Variants in SYT7 observed in about 807,000 individuals in gnomAD.
SYT7 encodes the protein synaptotagmin-7.
SYT7 carries 29 observed loss-of-function variants against 75.1 expected under a neutral mutation model. The ratio of observed to expected loss-of-function variants is 0.39; its 90% confidence interval spans 0.29 to 0.53. The LOEUF is 0.53. SYT7 is among the 20% of genes least tolerant of loss of function. The pLI, the probability that SYT7 is intolerant of heterozygous loss-of-function variation, is 0.77. For missense variants in SYT7, 693 were observed against 953.2 expected (o/e 0.73, Z 3.59); for synonymous variants, 376 against 401.7 (o/e 0.94, Z 0.76).
Position 61,527,902 on chromosome 11 carries a change from G to A in SYT7, c.1471+13C>T, listed in dbSNP as rs773128337. 20 of 1,612,528 alleles carry A rather than the reference G, an allele frequency of 1.2e-5. No individual in the cohort carries two copies. Among genetic ancestry groups the A allele is most frequent in the East Asian group, 2.2e-5 (1 of 44,860 alleles). The stretch of plus-strand genomic sequence containing the variant: ...GAGGTGACCATGGCGGGGGAAGGTG[G>A]CACTAGACTCACCTTCAAAGAGGAA... On this transcript the variant is annotated intron_variant, in intron 9 of 12. Transcript: ENST00000539008.
intron 3 of SYT7, among the ~76,000 whole-genome samples, chr11:61,548,610 G>C (rs1245449005): frequency 1.3e-5 from 2 of 152,186 alleles, no homozygotes; most frequent in African/African-American, 4.8e-5. Flanking sequence ...GGAAGACTGA[G>C]GCTGTGCCGC....
Position 61,514,788 on chromosome 11 carries a change from T to C in SYT7, c.*3839A>G, listed in dbSNP as rs1313871464. Among the ~76,000 whole-genome samples the C allele has an allele frequency of 6.6e-6, 1 of 152,148 alleles. No homozygotes were observed. The highest frequency in any genetic ancestry group is 1.5e-5 in the Non-Finnish European group (1 of 68,032). The stretch of plus-strand genomic sequence containing the variant: ...CTTTTCTAATCCTAAAGAATGAAAC[T>C]AGAAGAGGGCTGAGAGAAGCCGCAG... On this transcript the variant is annotated 3_prime_UTR_variant, in exon 13 of 13. Transcript: ENST00000539008.
At chr11:61,535,374 C>T (rs898229672) in intron 7 of SYT7, among the ~76,000 whole-genome samples, 3 of 152,224 alleles carry the variant, frequency 2.0e-5, no homozygotes, top group Admixed American at 6.5e-5. Flanking sequence ...GCCTGGTCCC[C>T]GCCTTGCCCT....
chr11:61,582,770 C>T (rs75088031), upstream of SYT7, among the ~76,000 whole-genome samples: 4,485 of 152,230 alleles, frequency 0.029, 254 homozygotes, highest in African/African-American at 0.1. Flanking sequence ...CAGCTGTCTT[C>T]CCCCCACTCA....
chr11:61,582,851 A>T (rs570504972), upstream of SYT7, among the ~76,000 whole-genome samples: 4 of 152,146 alleles, frequency 2.6e-5, no homozygotes, highest in Non-Finnish European at 5.9e-5. Context: ...CAGAAAGCTA[A>T]GCCAACAGGC....
intron 1 of SYT7, among the ~76,000 whole-genome samples, chr11:61,574,802 C>A (rs961231941): frequency 6.6e-6 from 1 of 152,072 alleles, no homozygotes; most frequent in Non-Finnish European, 1.5e-5. Context: ...CGCTCTCTGG[C>A]CTCGCTGACA....
intron 12 of SYT7, among the ~76,000 whole-genome samples, chr11:61,521,776 G>T (rs1328087001): frequency 1.3e-5 from 2 of 152,218 alleles, no homozygotes; most frequent in Non-Finnish European, 1.5e-5. Context: ...CTCCATGACT[G>T]CCCTGAGCAC....
At chr11:61,541,601 G>A (rs948576855) in intron 6 of SYT7, among the ~76,000 whole-genome samples, 7 of 152,108 alleles carry the variant, frequency 4.6e-5, no homozygotes, top group Admixed American at 1.3e-4. Flanking sequence ...CAGGGGATGG[G>A]TCATTACTGG....
At chr11:61,566,730 T>G (rs1399477714) in intron 1 of SYT7, among the ~76,000 whole-genome samples, 2 of 152,204 alleles carry the variant, frequency 1.3e-5, no homozygotes, top group African/African-American at 2.4e-5. Context: ...CACTAGTTAC[T>G]CCTATGAATA....
At chr11:61,584,433 A>C (rs2135493515), upstream of SYT7, among the ~76,000 whole-genome samples, 2 of 152,000 alleles carry the variant, frequency 1.3e-5, no homozygotes, top group South Asian at 4.1e-4. Flanking sequence ...CTTGGAACAT[A>C]TAATTTATTC....
chr11:61,540,926 G>C, intron 6 of SYT7: 1 of 985,490 alleles, frequency 1.0e-6, no homozygotes, highest in South Asian at 4.7e-5. Flanking sequence ...CGTCCAGTTA[G>C]ATTCCTGCAG....
Position 61,546,243 on chromosome 11 carries a change from C to A in SYT7, c.360G>T (p.Leu120=). 1.4e-6 allele frequency: 2 copies of A among 1,444,220 alleles called. No homozygotes were observed. Among genetic ancestry groups the A allele is most frequent in the Non-Finnish European group, 9.0e-7 (1 of 1,108,920 alleles). The allele number at this position is 1,444,220 out of a possible 1,614,324, so 89.5% of individuals were successfully genotyped here. ...CCGCGGCGGCCACTTTGGCGCCCGA[C>A]AGGAGGGTGCCACTGGAGGCATGCA... The part of the protein sequence containing the change: ...DPRLSLNGTL[L]SGAKVAAAAG... Residue 120 remains leucine, a synonymous_variant, in exon 5 of 13, where the codon CTG becomes CTT. Transcript: ENST00000539008. This position sits in a 1 kb window ranked among gnomAD's most constrained non-coding sequence, Gnocchi z 7.6.
chr11:61,538,774 G>A lies in SYT7; in HGVS notation c.942-508C>T, dbSNP rs117585610. Reference sequence around the variant, plus strand: ...CACTGGGAGAAGAGGGAGGGGCTCCGTCACTATCCTGCACCGGCACCGCGC... The same window carrying A: ...CACTGGGAGAAGAGGGAGGGGCTCCATCACTATCCTGCACCGGCACCGCGC... On this transcript the variant is annotated intron_variant, in intron 6 of 12. Coordinates refer to ENST00000539008, the MANE Select transcript of SYT7 (RefSeq NM_001365809.2). 6.3e-4 allele frequency among the ~76,000 whole-genome samples: 96 copies of A among 152,272 alleles called. 2 individuals carry two copies. In the East Asian group the frequency reaches 0.013, roughly 21 times the overall value.
rs1565188450 is a variant in SYT7 at position 61,546,644 on chromosome 11, ACGG to A, written c.348-392_348-390del. 2 of 466,050 alleles carry A rather than the reference ACGG, an allele frequency of 4.3e-6. No homozygotes were observed. The highest frequency in any genetic ancestry group is 4.0e-5 in the African/African-American group (2 of 50,506). 28.9% of individuals were successfully genotyped at this position (466,050 alleles called of 1,614,324 possible). A position where few individuals can be genotyped will look rare whatever the true frequency, so the allele number is the denominator to read the frequency against. On this transcript the variant is annotated intron_variant, in intron 4 of 12. Transcript: ENST00000539008. This position sits in a 1 kb window ranked among gnomAD's most constrained non-coding sequence, Gnocchi z 7.6. ...CCCACAGGACAACGAAGGGTTAACGACGGAGGAAGAGCGGGCTGTCCAGGCCAG... is the reference window on the plus strand; with the variant it reads ...CCCACAGGACAACGAAGGGTTAACGAAGGAAGAGCGGGCTGTCCAGGCCAG...
intron 8 of SYT7, among the ~76,000 whole-genome samples, 184 bp from the exon 9 acceptor site, chr11:61,528,369 G>C (rs556244907): frequency 1.3e-5 from 2 of 152,292 alleles, no homozygotes. Flanking sequence ...GGAGGGGAAG[G>C]GGGAGGGCAG....
Position 61,554,426 on chromosome 11 carries a change from G to A in SYT7, c.135+1678C>T, listed in dbSNP as rs138708160. 2.7e-3 allele frequency among the ~76,000 whole-genome samples: 416 copies of A among 151,998 alleles called. 3 individuals carry two copies. The highest frequency in any genetic ancestry group is 3.6e-3 in the Non-Finnish European group (246 of 67,956). On this transcript the variant is annotated intron_variant, in intron 2 of 12. Coordinates refer to ENST00000539008, the MANE Select transcript of SYT7 (RefSeq NM_001365809.2). ...CACATCCCACCACTGAGGGGTGAAC[G>A]GACACGCACAGACAGACAGACAGAC...
intron 8 of SYT7, among the ~76,000 whole-genome samples, chr11:61,531,912 A>AG (rs1171252589): frequency 6.7e-6 from 1 of 150,270 alleles, no homozygotes; most frequent in Non-Finnish European, 1.5e-5. Flanking sequence ...AAAAAAAAAA[A>AG]AAAGCAGGCT....
chr11:61,558,938 T>G (rs1411431161), intron 1 of SYT7, among the ~76,000 whole-genome samples: 4 of 152,140 alleles, frequency 2.6e-5, no homozygotes, highest in Non-Finnish European at 4.4e-5. Flanking sequence ...GATATGGGAT[T>G]TTACCACATT....
Position 61,580,836 on chromosome 11 carries a change from G to A in SYT7, c.-16C>T, listed in dbSNP as rs893751004. 73 of 1,255,894 alleles carry A rather than the reference G, an allele frequency of 5.8e-5. No individual in the cohort carries two copies. Among genetic ancestry groups the A allele is most frequent in the Non-Finnish European group, 6.7e-5 (67 of 998,070 alleles). 77.8% of individuals were successfully genotyped at this position (1,255,894 alleles called of 1,614,324 possible). ...CCCGGTACATGGTCCCCTCGTCGCCGGTTCCCTCCGGGCTCCTCAGAGCCG... is the reference window on the plus strand; with the variant it reads ...CCCGGTACATGGTCCCCTCGTCGCCAGTTCCCTCCGGGCTCCTCAGAGCCG... On this transcript the variant is annotated 5_prime_UTR_variant, in exon 1 of 13. Transcript: ENST00000539008. This position sits in a 1 kb window ranked among gnomAD's most constrained non-coding sequence, Gnocchi z 6.1.
Sources: gnomAD v4.1 joint callset for allele counts (sites outside exome capture counted in the v4.1 genomes callset) on GRCh38, gnomAD v4.1.1 for gene constraint, Gnocchi (gnomAD v3.1) non-coding constraint, MANE v1.5 for transcripts, NCBI Gene and HGNC (gene_info 2026-07-23, HGNC 2026-07-21) for gene names.